Variants in PAK1 observed in about 807,000 individuals in gnomAD.
PAK1 encodes serine/threonine-protein kinase PAK 1.
PAK1 carries 29 observed loss-of-function variants against 67.4 expected under a neutral mutation model. That is an observed-to-expected ratio of 0.43 (90% CI 0.32 to 0.59). The LOEUF (loss-of-function observed/expected upper bound fraction) is 0.59. PAK1 is among the 20% of genes least tolerant of loss of function. The probability of loss-of-function intolerance (pLI) is 0.07; values close to 1 mark genes in which losing one functional copy is unlikely to be tolerated. For synonymous variants in PAK1, 223 were observed against 237.4 expected (o/e 0.94, Z 0.56); for missense variants, 337 against 670.7 (o/e 0.50, Z 5.50).
chr11:77,420,159 A>G (rs573536230), intron 1 of PAK1, among the ~76,000 whole-genome samples: 2 of 152,276 alleles, frequency 1.3e-5, no homozygotes, highest in East Asian at 1.9e-4. Context: ...GGTATTGAAG[A>G]AGGAGTAAAT....
chr11:77,493,127 T>A, the PAK1 span, among the ~76,000 whole-genome samples: 8 of 152,214 alleles, frequency 5.3e-5, no homozygotes, highest in African/African-American at 1.9e-4. Flanking sequence ...CATGCCTGGC[T>A]AATTTTTTAA....
At position 77,331,957 on chromosome 11, in the gene PAK1, TCAAA is replaced by T. The variant is rs376854861; in HGVS notation, c.1551+769_1551+772del. ...TCAGAGACCCGTTTCTCAACAAGAC[TCAAA>T]CAAACTCTGCCAGACTAATTCAAAC... On this transcript the variant is annotated intron_variant, in intron 14 of 14. Transcript: ENST00000356341. Among the ~76,000 whole-genome samples, 23 of 152,102 alleles carry T rather than the reference TCAAA, an allele frequency of 1.5e-4. No individual in the cohort carries two copies. In the East Asian group the frequency reaches 2.2e-3, roughly 14 times the overall value.
At chr11:77,480,687 C>T in the PAK1 span, among the ~76,000 whole-genome samples, 1 of 152,210 alleles carries the variant, frequency 6.6e-6, no homozygotes, top group Non-Finnish European at 1.5e-5. Flanking sequence ...CCATGCCCAA[C>T]TAATTTTTGC....
intron 11 of PAK1, among the ~76,000 whole-genome samples, chr11:77,339,105 G>A (rs1470555389): frequency 6.6e-6 from 1 of 152,050 alleles, no homozygotes; most frequent in Non-Finnish European, 1.5e-5. Flanking sequence ...AAAAGGAGAA[G>A]ATGATCTCTA....
At chr11:77,327,690 G>A in intron 14 of PAK1, among the ~76,000 whole-genome samples, 1 of 152,226 alleles carries the variant, frequency 6.6e-6, no homozygotes. Context: ...ATGCCAAATT[G>A]TAAAGACCAT....
chr11:77,500,357 C>T, the PAK1 span, among the ~76,000 whole-genome samples: 1 of 152,072 alleles, frequency 6.6e-6, no homozygotes, highest in South Asian at 2.1e-4. Flanking sequence ...GTCCCAGCTA[C>T]TCAGGAGGCT....
intron 14 of PAK1, among the ~76,000 whole-genome samples, chr11:77,328,827 A>C (rs1344584244): frequency 6.6e-6 from 1 of 152,200 alleles, no homozygotes; most frequent in Non-Finnish European, 1.5e-5. Flanking sequence ...ACCCTTCAAA[A>C]AATTAATGAA....
chr11:77,475,895 G>A (rs2135620730), upstream of PAK1: 1 of 152,374 alleles, frequency 6.6e-6, no homozygotes, highest in East Asian at 1.9e-4. Context: ...AATAAGGCCA[G>A]GCGCGGTGGC....
chr11:77,465,136 A>G (rs923354897), intron 1 of PAK1, among the ~76,000 whole-genome samples: 6 of 152,196 alleles, frequency 3.9e-5, no homozygotes, highest in Admixed American at 2.0e-4. Flanking sequence ...TAGTAAAAAA[A>G]CGATTTTTTG....
At chr11:77,359,844 TAGATACCAAATGATTCTATCATTTGATC>T (rs1345257993) in intron 5 of PAK1, among the ~76,000 whole-genome samples, 1 of 152,154 alleles carries the variant, frequency 6.6e-6, no homozygotes, top group African/African-American at 2.4e-5. Flanking sequence ...AGATTTTTGA[TAGATACCAAATGATTCTATCATTTGATC>T]AGCAAAGAAC....
At chr11:77,499,634 T>G in the PAK1 span, among the ~76,000 whole-genome samples, 2 of 152,206 alleles carry the variant, frequency 1.3e-5, no homozygotes, top group Admixed American at 6.5e-5. Context: ...GCCTCTTAAG[T>G]ATTCCAGTGA....
chr11:77,325,431 T>C (rs1338634251), intron 14 of PAK1: 42 of 1,579,630 alleles, frequency 2.7e-5, no homozygotes, highest in Non-Finnish European at 8.6e-6. Flanking sequence ...AAGGACAATA[T>C]ATAAAGTGCT....
Position 77,403,527 on chromosome 11 carries a change from A to G in PAK1, c.-21-10986T>C, listed in dbSNP as rs528240325. ...TTTCCACTACAATTCCTAGACTTCAATTTGAGCTCCAATAAACTATCCAGC... is the reference window on the plus strand; with the variant it reads ...TTTCCACTACAATTCCTAGACTTCAGTTTGAGCTCCAATAAACTATCCAGC... On this transcript the variant is annotated intron_variant, in intron 1 of 14. Transcript: ENST00000356341. Among the ~76,000 whole-genome samples, 7 of 152,316 alleles carry G rather than the reference A, an allele frequency of 4.6e-5. No individual in the cohort carries two copies. The East Asian group carries it at 7.7e-4, about 17-fold the overall frequency.
intron 9 of PAK1, among the ~76,000 whole-genome samples, chr11:77,348,085 C>A (rs1269040957): frequency 6.6e-6 from 1 of 152,170 alleles, no homozygotes; most frequent in Non-Finnish European, 1.5e-5. Context: ...TAAAAACTCA[C>A]AAGAGCCTAG....
chr11:77,479,127 A>T (rs1958091412), upstream of PAK1, among the ~76,000 whole-genome samples: 1 of 151,356 alleles, frequency 6.6e-6, no homozygotes, highest in African/African-American at 2.4e-5. Context: ...ATTAGCACTC[A>T]TTGTAATAGA....
intron 14 of PAK1, among the ~76,000 whole-genome samples, chr11:77,327,232 T>C (rs1431983299): frequency 6.6e-6 from 1 of 152,194 alleles, no homozygotes; most frequent in Non-Finnish European, 1.5e-5. Flanking sequence ...CCAGGAGAAC[T>C]TCCCCAATCT....
chr11:77,472,417 C>T (rs892958213), intron 1 of PAK1, among the ~76,000 whole-genome samples: 5 of 152,182 alleles, frequency 3.3e-5, no homozygotes, highest in Admixed American at 6.5e-5. Flanking sequence ...GAAATCAGCT[C>T]TGTCTGTAAG....
intron 1 of PAK1, among the ~76,000 whole-genome samples, chr11:77,472,161 T>G (rs1957889692): frequency 6.6e-6 from 1 of 152,192 alleles, no homozygotes. Flanking sequence ...TAATGTTGGA[T>G]AAACGAATTG....
In PAK1 at chr11:77,332,806, G is replaced by C. The variant is rs754285391; in HGVS notation, c.1475C>G (p.Ala492Gly). 2 of 1,613,192 alleles carry C rather than the reference G, an allele frequency of 1.2e-6. No individual in the cohort carries two copies. Among genetic ancestry groups the C allele is most frequent in the Admixed American group, 3.3e-5 (2 of 60,006 alleles). The change falls in exon 14 of 15, where the codon GCT (alanine) becomes GGT (glycine). Residue 492 changes from alanine (A) to glycine (G), a missense_variant. Ala to Gly is a moderately conservative substitution (Grantham distance 60). Transcript: ENST00000356341. ...PELQNPEKLS[A>G]IFRDFLNRCL... ...GCGGTTCAGAAAGTCCCGGAAGATA[G>C]CTGACAGCTTCTCTGGGTTCTGAAG...
Sources: allele counts gnomAD v4.1 joint callset (sites outside exome capture counted in the v4.1 genomes callset), GRCh38; gene constraint gnomAD v4.1.1; transcripts MANE v1.5; gene names NCBI Gene and HGNC (gene_info 2026-07-23, HGNC 2026-07-21).